MAGI2: variants seen among roughly 807,000 people sequenced by gnomAD.
The protein encoded by MAGI2 is membrane-associated guanylate kinase, WW and PDZ domain-containing protein 2.
In MAGI2, 35 loss-of-function variants were observed where a neutral mutation model predicts 133.3. The observed-to-expected ratio is 0.26, with a 90% CI of 0.20 to 0.35. The LOEUF (loss-of-function observed/expected upper bound fraction) is 0.35, where lower values mean the gene tolerates loss of function less well. Among genes scored for constraint, MAGI2 ranks in the 10% least tolerant of loss-of-function variants. The probability of loss-of-function intolerance (pLI) is 1.00; values close to 1 mark genes in which losing one functional copy is unlikely to be tolerated. For synonymous variants in MAGI2, 729 were observed against 710.6 expected, an observed-to-expected ratio of 1.03 and a Z score of -0.41; for missense variants, 1,636 against 1,863.4, an observed-to-expected ratio of 0.88 and a Z score of 2.25.
chr7:78,697,726 G>A (rs1452309475), intron 2 of MAGI2, among the ~76,000 whole-genome samples: 6 of 152,020 alleles, frequency 3.9e-5, no homozygotes, highest in African/African-American at 9.7e-5. Context: ...GCCATTTCCT[G>A]TAATGAATAA....
chr7:79,280,880 A>G (rs569745657), intron 1 of MAGI2, among the ~76,000 whole-genome samples: 8 of 127,422 alleles, frequency 6.3e-5, no homozygotes, highest in South Asian at 2.7e-4. Context: ...AGCTATGATC[A>G]TGCCACCATA....
At chr7:78,169,090 T>G (rs1164504845) in intron 14 of MAGI2, among the ~76,000 whole-genome samples, 1 of 152,224 alleles carries the variant, frequency 6.6e-6, no homozygotes, top group African/African-American at 2.4e-5. Flanking sequence ...ATTTTTATAA[T>G]TCCCTGAACC....
intron 9 of MAGI2, among the ~76,000 whole-genome samples, chr7:78,316,343 G>A (rs918367768): frequency 6.6e-6 from 1 of 152,144 alleles, no homozygotes; most frequent in Non-Finnish European, 1.5e-5. Flanking sequence ...GATACAGTGA[G>A]TTCCTGCCCT....
At chr7:78,169,880 T>G (rs1478867911) in intron 14 of MAGI2, among the ~76,000 whole-genome samples, 7 of 152,256 alleles carry the variant, frequency 4.6e-5, no homozygotes, top group Non-Finnish European at 1.0e-4. Flanking sequence ...CTTCTTGTCA[T>G]GCCAACCTGA....
At chr7:79,244,285 A>G (rs773242027) in intron 1 of MAGI2, among the ~76,000 whole-genome samples, 2 of 152,236 alleles carry the variant, frequency 1.3e-5, no homozygotes, top group Non-Finnish European at 2.9e-5. Context: ...TGCCTTCATA[A>G]GAACCAAAAA....
In MAGI2 at chr7:78,214,626, A is replaced by C. The variant is rs1788088738; in HGVS notation, c.2048-13433T>G. ...TTTACTTTTTAAAAGTAAGATCTGG[A>C]ATATAGGTAGAACTGATGTTTATTT... On this transcript the variant is annotated intron_variant, in intron 10 of 21. Coordinates refer to ENST00000354212, the MANE Select transcript of MAGI2 (RefSeq NM_012301.4). Among the ~76,000 whole-genome samples the C allele has an allele frequency of 2.0e-5, 3 of 151,880 alleles. No homozygotes were observed. In the South Asian group the frequency reaches 6.3e-4, roughly 32 times the overall value.
intron 2 of MAGI2, among the ~76,000 whole-genome samples, chr7:78,909,037 T>G (rs557724985): frequency 6.7e-6 from 1 of 150,302 alleles, no homozygotes; most frequent in African/African-American, 2.5e-5. Flanking sequence ...ACCTACAGAA[T>G]GGGAGAACAT....
intron 9 of MAGI2, among the ~76,000 whole-genome samples, chr7:78,296,071 A>C (rs550009187): frequency 9.5e-4 from 145 of 152,246 alleles, no homozygotes; most frequent in Non-Finnish European, 1.6e-3. Context: ...GGCTACTCTA[A>C]TAGCTTCCTA....
At chr7:78,900,523 C>T (rs1464423183) in intron 2 of MAGI2, among the ~76,000 whole-genome samples, 1 of 152,072 alleles carries the variant, frequency 6.6e-6, no homozygotes, top group East Asian at 1.9e-4. Context: ...CCTCTACCTA[C>T]AATATTCTTC....
At chr7:78,303,814 G>A (rs1326974149) in intron 9 of MAGI2, among the ~76,000 whole-genome samples, 1 of 152,106 alleles carries the variant, frequency 6.6e-6, no homozygotes, top group East Asian at 1.9e-4. Flanking sequence ...ATACACTGAT[G>A]AGTTCCAGAC....
At chr7:78,074,696 T>C (rs1815087184) in intron 21 of MAGI2, among the ~76,000 whole-genome samples, 1 of 152,238 alleles carries the variant, frequency 6.6e-6, no homozygotes, top group Non-Finnish European at 1.5e-5. Context: ...CTCTAGTTTA[T>C]CTTAGACAAA....
intron 2 of MAGI2, among the ~76,000 whole-genome samples, chr7:78,670,049 A>C (rs1269771006): frequency 6.6e-6 from 1 of 151,652 alleles, no homozygotes; most frequent in Non-Finnish European, 1.5e-5. Context: ...CCTATTCAAC[A>C]TAGTGTTGGA....
At chr7:78,351,289 C>T (rs1791484036) in intron 7 of MAGI2, among the ~76,000 whole-genome samples, 1 of 152,000 alleles carries the variant, frequency 6.6e-6, no homozygotes, top group Admixed American at 6.6e-5. Context: ...GGCAGATTGC[C>T]TGAGCATAGG....
intron 9 of MAGI2, among the ~76,000 whole-genome samples, chr7:78,259,164 G>T (rs904733468): frequency 1.3e-5 from 2 of 152,078 alleles, no homozygotes; most frequent in Non-Finnish European, 2.9e-5. Flanking sequence ...TTTCTCTTGG[G>T]TATGCCTCAT....
chr7:78,987,146 T>G (rs1284421030), intron 2 of MAGI2, among the ~76,000 whole-genome samples: 1 of 152,048 alleles, frequency 6.6e-6, no homozygotes, highest in African/African-American at 2.4e-5. Flanking sequence ...ATGAATAATG[T>G]GGTATTTCTT....
intron 2 of MAGI2, among the ~76,000 whole-genome samples, chr7:78,728,597 G>A (rs1311429487): frequency 1.3e-5 from 1 of 76,960 alleles, no homozygotes; most frequent in Non-Finnish European, 2.3e-5. Context: ...ACGGAGTCTC[G>A]CTCTGTCGCC....
chr7:78,569,586 G>GA (rs971878660), intron 3 of MAGI2, among the ~76,000 whole-genome samples: 2 of 150,582 alleles, frequency 1.3e-5, no homozygotes, highest in Non-Finnish European at 3.0e-5. Context: ...AAAAAGGAAA[G>GA]AAAAAAAAGT....
intron 1 of MAGI2, among the ~76,000 whole-genome samples, chr7:79,229,343 G>C (rs1193163485): frequency 1.3e-5 from 2 of 152,102 alleles, no homozygotes; most frequent in Non-Finnish European, 2.9e-5. Flanking sequence ...CAGAAGTGAA[G>C]AACAGGACAA....
At chr7:79,428,535 C>T (rs956054188) in intron 1 of MAGI2, among the ~76,000 whole-genome samples, 1 of 152,082 alleles carries the variant, frequency 6.6e-6, no homozygotes, top group Admixed American at 6.5e-5. Flanking sequence ...CATTAATAGG[C>T]TTTTCTGTCT....
Sources: allele counts gnomAD v4.1 joint callset (sites outside exome capture counted in the v4.1 genomes callset), GRCh38; gene constraint gnomAD v4.1.1; transcripts MANE v1.5; gene names NCBI Gene and HGNC (gene_info 2026-07-23, HGNC 2026-07-21).